Variants in MARK1 observed in about 807,000 individuals in gnomAD.
The protein encoded by MARK1 is microtubule affinity regulating kinase 1, also known as serine/threonine-protein kinase MARK1.
MARK1 carries 40 observed loss-of-function variants against 96.3 expected under a neutral mutation model. The observed-to-expected ratio is 0.42, with a 90% CI of 0.32 to 0.54. The LOEUF is 0.54. Ranked by LOEUF, MARK1 falls within the 20% of genes least tolerant of loss-of-function variation. The pLI, the probability that MARK1 is intolerant of heterozygous loss-of-function variation, is 0.16. For synonymous variants in MARK1, 317 were observed against 341.2 expected (o/e 0.93, Z 0.78); for missense variants, 719 against 984.6 (o/e 0.73, Z 3.61).
intron 6 of MARK1, among the ~76,000 whole-genome samples, chr1:220,608,921 C>G (rs1241324329): frequency 6.6e-6 from 1 of 152,166 alleles, no homozygotes; most frequent in African/African-American, 2.4e-5. Context: ...GTCTGAGAGA[C>G]AGTTTGTTGT....
intron 13 of MARK1, among the ~76,000 whole-genome samples, chr1:220,636,270 A>G (rs1377732882): frequency 2.0e-5 from 3 of 152,056 alleles, no homozygotes; most frequent in Admixed American, 6.6e-5. Context: ...TTCCTGCTTC[A>G]TTTTCCTTTT....
rs772274083 is a variant in MARK1, at chr1:220,579,349, C to T, written c.52-5C>T. On this transcript the variant is annotated splice_region_variant and splice_polypyrimidine_tract_variant and intron_variant, in intron 1 of 17. Coordinates refer to ENST00000366917, the MANE Select transcript of MARK1 (RefSeq NM_018650.5). ...AACAATGAAATCTTGTAAACTTTTT[C>T]TTAGCATACATCTGTGGATGGATAT... The T allele has an allele frequency of 2.5e-6, 4 of 1,607,516 alleles. No individual in the cohort carries two copies. The highest frequency in any genetic ancestry group is 3.4e-6 in the Non-Finnish European group (4 of 1,174,986).
intron 13 of MARK1, 37 bp from the exon 14 acceptor site, chr1:220,650,583 T>C: frequency 7.5e-7 from 1 of 1,330,408 alleles, no homozygotes; most frequent in South Asian, 1.2e-5. Flanking sequence ...ACAAATATAT[T>C]TATAATTTTT....
At chr1:220,641,463 C>T (rs1668264544) in intron 13 of MARK1, among the ~76,000 whole-genome samples, 1 of 152,132 alleles carries the variant, frequency 6.6e-6, no homozygotes, top group Admixed American at 6.5e-5. Context: ...GCACCTTGAT[C>T]TTGATCTCAC....
intron 3 of MARK1, among the ~76,000 whole-genome samples, chr1:220,588,563 G>A (rs543378308): frequency 1.3e-5 from 2 of 152,208 alleles, no homozygotes; most frequent in African/African-American, 4.8e-5. Context: ...TTCATAGGAA[G>A]ACCTTAAGAA....
intron 13 of MARK1, among the ~76,000 whole-genome samples, chr1:220,642,977 C>T (rs1156949398): frequency 6.6e-6 from 1 of 152,140 alleles, no homozygotes; most frequent in Non-Finnish European, 1.5e-5. Context: ...ATCAAAGGTA[C>T]ATAAATCCAC....
chr1:220,598,282 T>C (rs1394270834), intron 3 of MARK1, 49 bp from the exon 4 acceptor site: 2 of 525,590 alleles, frequency 3.8e-6, no homozygotes, highest in East Asian at 1.0e-4. Flanking sequence ...GGCTCTCTGC[T>C]TGCTTGTTTT....
intron 17 of MARK1, among the ~76,000 whole-genome samples, chr1:220,659,103 A>G (rs536130587): frequency 8.1e-4 from 123 of 152,340 alleles, no homozygotes; most frequent in African/African-American, 2.9e-3. Flanking sequence ...ATTACATTAT[A>G]AGAATTAGTA....
chr1:220,629,441 G>A (rs183386646), intron 9 of MARK1, among the ~76,000 whole-genome samples: 12 of 150,542 alleles, frequency 8.0e-5, no homozygotes, highest in Admixed American at 3.3e-4. Context: ...TCACAGTGTC[G>A]TTAACTATGT....
chr1:220,638,274 G>C (rs2103022419), intron 13 of MARK1, among the ~76,000 whole-genome samples: 1 of 152,172 alleles, frequency 6.6e-6, no homozygotes, highest in South Asian at 2.1e-4. Context: ...ATTTTTCCAT[G>C]AACATACTCA....
intron 13 of MARK1, among the ~76,000 whole-genome samples, chr1:220,637,577 G>T (rs1170006318): frequency 6.6e-6 from 1 of 152,094 alleles, no homozygotes; most frequent in South Asian, 2.1e-4. Flanking sequence ...TACTTGGGAG[G>T]CTGAGGCAGG....
At chr1:220,592,717 T>A (rs961461964) in intron 3 of MARK1, among the ~76,000 whole-genome samples, 3 of 152,174 alleles carry the variant, frequency 2.0e-5, no homozygotes, top group Non-Finnish European at 2.9e-5. Context: ...CTGGCAAACA[T>A]GTTTGGGACC....
At chr1:220,549,051 C>T (rs555768137) in intron 1 of MARK1, among the ~76,000 whole-genome samples, 2 of 152,242 alleles carry the variant, frequency 1.3e-5, no homozygotes, top group Admixed American at 6.5e-5. Flanking sequence ...ACTCCCTGTT[C>T]GCCTCCTCTG....
intron 9 of MARK1, among the ~76,000 whole-genome samples, chr1:220,623,563 G>A (rs1159514223): frequency 1.3e-5 from 2 of 152,100 alleles, no homozygotes; most frequent in African/African-American, 4.8e-5. Flanking sequence ...GTGATTCCCA[G>A]TGGCTAGAAT....
intron 1 of MARK1, among the ~76,000 whole-genome samples, chr1:220,551,467 A>G (rs1218415930): frequency 6.6e-6 from 1 of 152,206 alleles, no homozygotes; most frequent in African/African-American, 2.4e-5. Context: ...CTTGGCCATC[A>G]TTTTAAGTAT....
chr1:220,608,031 T>C (rs1396541812), intron 6 of MARK1, among the ~76,000 whole-genome samples: 1 of 152,192 alleles, frequency 6.6e-6, no homozygotes, highest in Non-Finnish European at 1.5e-5. Context: ...TTGTTGTGTC[T>C]CTGCCAGGCT....
chr1:220,602,944 T>C (rs1287683441), intron 5 of MARK1, among the ~76,000 whole-genome samples: 1 of 152,088 alleles, frequency 6.6e-6, no homozygotes, highest in Non-Finnish European at 1.5e-5. Context: ...TTATTTCATT[T>C]AATCCTTACA....
At chr1:220,586,792 G>T (rs537384248) in intron 3 of MARK1, among the ~76,000 whole-genome samples, 22 of 152,268 alleles carry the variant, frequency 1.4e-4, no homozygotes, top group African/African-American at 5.3e-4. Flanking sequence ...TGTTTTAAAA[G>T]TCACAGTCTT....
intron 1 of MARK1, among the ~76,000 whole-genome samples, chr1:220,576,399 A>G (rs907860963): frequency 7.0e-6 from 1 of 142,748 alleles, no homozygotes; most frequent in African/African-American, 2.6e-5. Flanking sequence ...GCATACCATC[A>G]TGTCTAACTC....
Sources: allele counts gnomAD v4.1 joint callset (sites outside exome capture counted in the v4.1 genomes callset), GRCh38; gene constraint gnomAD v4.1.1; transcripts MANE v1.5; gene names NCBI Gene and HGNC (gene_info 2026-07-23, HGNC 2026-07-21).